The following SUGCT variants were observed in gnomAD, a reference collection of about 807,000 sequenced individuals.
SUGCT encodes succinyl-CoA:glutarate-CoA transferase.
SUGCT carries 41 observed loss-of-function variants against 55.0 expected under a neutral mutation model. The ratio of observed to expected loss-of-function variants is 0.74; its 90% confidence interval spans 0.58 to 0.97. The LOEUF is 0.97. SUGCT is among the 50% of genes least tolerant of loss of function. The pLI, the probability that SUGCT is intolerant of heterozygous loss-of-function variation, is 0.00. For missense variants in SUGCT, 568 were observed against 547.8 expected, an observed-to-expected ratio of 1.04 and a Z score of -0.37; for synonymous variants, 187 against 200.4, an observed-to-expected ratio of 0.93 and a Z score of 0.56.
intron 9 of SUGCT, among the ~76,000 whole-genome samples, chr7:40,432,053 A>C (rs999312046): frequency 1.3e-5 from 2 of 152,088 alleles, no homozygotes; most frequent in Non-Finnish European, 2.9e-5. Context: ...TAGTACTTTC[A>C]GTACTATGTT....
At chr7:40,297,848 G>A (rs1475949311) in intron 8 of SUGCT, among the ~76,000 whole-genome samples, 1 of 152,040 alleles carries the variant, frequency 6.6e-6, no homozygotes, top group Admixed American at 6.6e-5. Flanking sequence ...ACTCAGAGAC[G>A]AAATTTTTTT....
At chr7:40,899,330 C>G in the SUGCT span, among the ~76,000 whole-genome samples, 1 of 152,166 alleles carries the variant, frequency 6.6e-6, no homozygotes, top group African/African-American at 2.4e-5. Context: ...TTTACCCCTC[C>G]GCCTCCCATT....
At chr7:40,650,967 G>A (rs1302576061) in intron 12 of SUGCT, among the ~76,000 whole-genome samples, 1 of 152,124 alleles carries the variant, frequency 6.6e-6, no homozygotes, top group Non-Finnish European at 1.5e-5. Flanking sequence ...AGAACATAAT[G>A]TTGTTTGGTT....
the SUGCT span, among the ~76,000 whole-genome samples, chr7:41,022,950 G>C: frequency 6.6e-6 from 1 of 152,090 alleles, no homozygotes; most frequent in South Asian, 2.1e-4. Context: ...ATCTGTCATG[G>C]CAGTTTTTCA....
chr7:40,887,159 AG>A, the SUGCT span, among the ~76,000 whole-genome samples: 1 of 152,214 alleles, frequency 6.6e-6, no homozygotes, highest in African/African-American at 2.4e-5. Flanking sequence ...ATTGAAGCAG[AG>A]GCCAGATGAT....
At chr7:40,213,833 T>C (rs1787478223) in intron 6 of SUGCT, among the ~76,000 whole-genome samples, 1 of 152,236 alleles carries the variant, frequency 6.6e-6, no homozygotes, top group South Asian at 2.1e-4. Context: ...AAAGGGTTGC[T>C]CTTTCAGGTT....
At chr7:40,261,541 A>G (rs1791223759) in intron 7 of SUGCT, among the ~76,000 whole-genome samples, 1 of 152,210 alleles carries the variant, frequency 6.6e-6, no homozygotes, top group Non-Finnish European at 1.5e-5. Context: ...AAACAATGCT[A>G]GCTCCTTTCT....
chr7:40,860,178 CGTT>C (rs780142097), intron 13 of SUGCT, 135 bp from the exon 14 acceptor site: 140 of 988,264 alleles, frequency 1.4e-4, no homozygotes, highest in Non-Finnish European at 2.1e-4. Context: ...ATTTCCAAAA[CGTT>C]GATGCATCTG....
At chr7:40,513,783 ATTTTTT>A (rs869065628) in intron 12 of SUGCT, among the ~76,000 whole-genome samples, 1 of 103,988 alleles carries the variant, frequency 9.6e-6, no homozygotes, top group Non-Finnish European at 1.9e-5. Context: ...TCAGGGAAGT[ATTTTTT>A]TTTTTTTTTT....
intron 13 of SUGCT, among the ~76,000 whole-genome samples, chr7:40,790,034 T>A (rs1365627895): frequency 2.6e-5 from 4 of 152,220 alleles, no homozygotes; most frequent in Non-Finnish European, 2.9e-5. Context: ...AAGAATGTGT[T>A]ACAAATAATA....
At chr7:40,949,919 G>A in the SUGCT span, among the ~76,000 whole-genome samples, 1 of 152,174 alleles carries the variant, frequency 6.6e-6, no homozygotes, top group Non-Finnish European at 1.5e-5. Flanking sequence ...TTTTGGCTTA[G>A]GATTGACTTG....
chr7:40,272,659 TTA>T (rs1235338194), intron 7 of SUGCT, among the ~76,000 whole-genome samples: 6 of 147,948 alleles, frequency 4.1e-5, no homozygotes, highest in African/African-American at 1.5e-4. Flanking sequence ...ATTATTATTA[TTA>T]TTATTTTTTT....
At chr7:40,239,511 A>G (rs575555862) in intron 7 of SUGCT, among the ~76,000 whole-genome samples, 1 of 152,328 alleles carries the variant, frequency 6.6e-6, no homozygotes, top group East Asian at 1.9e-4. Flanking sequence ...GGTTTTATTT[A>G]AGGGTGTTGA....
At chr7:40,309,577 G>A (rs1795030402) in intron 8 of SUGCT, among the ~76,000 whole-genome samples, 1 of 152,156 alleles carries the variant, frequency 6.6e-6, no homozygotes, top group Non-Finnish European at 1.5e-5. Context: ...TTACAGACAT[G>A]AGCCACTGCA....
chr7:41,032,443 A>C, the SUGCT span, among the ~76,000 whole-genome samples: 1 of 152,064 alleles, frequency 6.6e-6, no homozygotes, highest in Non-Finnish European at 1.5e-5. Context: ...TCCTGATACG[A>C]AGGTATCCTT....
chr7:40,687,366 G>A (rs932630394), intron 12 of SUGCT, among the ~76,000 whole-genome samples: 1 of 152,142 alleles, frequency 6.6e-6, no homozygotes, highest in Non-Finnish European at 1.5e-5. Flanking sequence ...TCTGACACTG[G>A]TGGACTCTGT....
chr7:40,961,988 T>C, the SUGCT span, among the ~76,000 whole-genome samples: 59,172 of 151,994 alleles, frequency 0.39, 12,098 homozygotes, highest in Admixed American at 0.5. Flanking sequence ...GCTTCCACAA[T>C]GTGGAAGGGG....
intron 11 of SUGCT, among the ~76,000 whole-genome samples, chr7:40,483,092 A>T (rs1791144375): frequency 6.6e-6 from 1 of 152,156 alleles, no homozygotes; most frequent in Non-Finnish European, 1.5e-5. Flanking sequence ...TAAATCTGTG[A>T]TTCTGTTTAC....
chr7:40,437,189 T>C (rs1047341549), intron 9 of SUGCT, among the ~76,000 whole-genome samples: 12 of 152,184 alleles, frequency 7.9e-5, no homozygotes, highest in Non-Finnish European at 1.3e-4. Flanking sequence ...ATAGAAAATA[T>C]ATGAGGCAGT....
Sources: allele counts gnomAD v4.1 joint callset (sites outside exome capture counted in the v4.1 genomes callset), GRCh38; gene constraint gnomAD v4.1.1; transcripts MANE v1.5; gene names NCBI Gene and HGNC (gene_info 2026-07-23, HGNC 2026-07-21).